Variants in NCBP3 observed in about 807,000 individuals in gnomAD.
NCBP3 encodes the protein nuclear cap-binding protein subunit 3.
Under a neutral mutation model 75.7 loss-of-function variants are expected in NCBP3, and 20 were observed. The observed-to-expected ratio is 0.26, with a 90% CI of 0.19 to 0.38. NCBP3 has a LOEUF of 0.38. NCBP3 is among the 10% of genes least tolerant of loss of function. The probability of loss-of-function intolerance (pLI) is 1.00; values close to 1 mark genes in which losing one functional copy is unlikely to be tolerated. For missense variants in NCBP3, 678 were observed against 796.9 expected, an observed-to-expected ratio of 0.85 and a Z score of 1.80; for synonymous variants, 293 against 290.5, an observed-to-expected ratio of 1.01 and a Z score of -0.09.
chr17:3,845,459 T>G (rs2054145120), intron 1 of NCBP3, among the ~76,000 whole-genome samples: 1 of 152,004 alleles, frequency 6.6e-6, no homozygotes, highest in South Asian at 2.1e-4. Flanking sequence ...TTGCTTTCAT[T>G]AAGAGTCAGA....
chr17:3,843,133 C>T lies in NCBP3; in HGVS notation c.202G>A (p.Glu68Lys). 6.4e-7 allele frequency: 1 copy of T among 1,551,578 alleles called. No homozygotes were observed. Among genetic ancestry groups the T allele is most frequent in the South Asian group, 1.2e-5 (1 of 84,068 alleles). ...ELIPDTSRRYENKAGSFITGI... is the reference protein window; with the variant it reads ...ELIPDTSRRYKNKAGSFITGI... The stretch of plus-strand genomic sequence containing the variant: ...GTGATGAAGCTGCCAGCCTTGTTTT[C>T]ATATCTTCTGCTCGTGTCCTAACAC... Residue 68 changes from glutamate to lysine, a missense_variant, in exon 2 of 13, where the codon GAA (glutamate) becomes AAA (lysine). Coordinates refer to ENST00000389005, the MANE Select transcript of NCBP3 (RefSeq NM_001114118.3).
chr17:3,814,238 T>C, intron 12 of NCBP3, 84 bp downstream of exon 12: 4 of 1,426,302 alleles, frequency 2.8e-6, no homozygotes, highest in Non-Finnish European at 3.8e-6. Context: ...TCTTGCCTTC[T>C]GCTAAGAAAG....
intron 7 of NCBP3, among the ~76,000 whole-genome samples, chr17:3,823,536 G>C (rs1597400141): frequency 6.6e-6 from 1 of 152,018 alleles, no homozygotes; most frequent in South Asian, 2.1e-4. Context: ...TGAGCAAGAG[G>C]CTATTTACGT....
rs890267458 is a variant in NCBP3 at position 3,809,580 on chromosome 17, C to A, written c.*3464G>T. ...AAATTAGCCAGCGTGGTGGCACATG[C>A]CTGTAATCCCAGCTACTCTGGAGGC... On this transcript the variant is annotated 3_prime_UTR_variant, in exon 13 of 13. Coordinates refer to ENST00000389005, the MANE Select transcript of NCBP3 (RefSeq NM_001114118.3). The A allele has an allele frequency of 6.6e-6, 1 of 152,226 alleles. No individual in the cohort carries two copies. Among genetic ancestry groups the A allele is most frequent in the African/African-American group, 2.4e-5 (1 of 41,436 alleles). 9.4% of individuals were successfully genotyped at this position (152,226 alleles called of 1,614,324 possible). A position where few individuals can be genotyped will look rare whatever the true frequency, so the allele number is the denominator to read the frequency against.
chr17:3,818,643 C>A lies in NCBP3; in HGVS notation c.1001-71G>T. 6.7e-7 allele frequency: 1 copy of A among 1,498,736 alleles called. No homozygotes were observed. The highest frequency in any genetic ancestry group is 8.9e-7 in the Non-Finnish European group (1 of 1,126,944). The allele number at this position is 1,498,736 out of a possible 1,614,324, so 92.8% of individuals were successfully genotyped here. On this transcript the variant is annotated intron_variant, in intron 9 of 12. Coordinates refer to ENST00000389005, the MANE Select transcript of NCBP3 (RefSeq NM_001114118.3). The surrounding 1 kb of genome is among the most constrained non-coding windows in gnomAD (Gnocchi z 4.7). The stretch of plus-strand genomic sequence containing the variant: ...ACAAGTATGATTTTCTACTCTACAT[C>A]GGTGACCTTTTTAAAAGGTGGGGTT...
rs1485866462 is a variant in NCBP3, at chr17:3,807,979, A to G, written c.*5065T>C. On this transcript the variant is annotated 3_prime_UTR_variant, in exon 13 of 13. Transcript: ENST00000389005. ...TATACACACATTTCGCTTAAACACA[A>G]TGGTATTTGTCTGAAAAAGATTTAA... The G allele has an allele frequency of 6.6e-6, 1 of 152,222 alleles. No homozygotes were observed. Among genetic ancestry groups the G allele is most frequent in the Non-Finnish European group, 1.5e-5 (1 of 68,050 alleles). 9.4% of individuals were successfully genotyped at this position (152,222 alleles called of 1,614,324 possible). A position where few individuals can be genotyped will look rare whatever the true frequency, so the allele number is the denominator to read the frequency against.
At chr17:3,827,978 G>T (rs1191993372) in intron 4 of NCBP3, among the ~76,000 whole-genome samples, 1 of 152,162 alleles carries the variant, frequency 6.6e-6, no homozygotes, top group Non-Finnish European at 1.5e-5. Flanking sequence ...GAGTGTAGTG[G>T]CACTATCTTG....
At position 3,812,701 on chromosome 17, in the gene NCBP3, G is replaced by A. The variant is rs2053441431; in HGVS notation, c.*343C>T. 9.1e-7 allele frequency: 1 copy of A among 1,098,462 alleles called. No homozygotes were observed. The highest frequency in any genetic ancestry group is 1.1e-6 in the Non-Finnish European group (1 of 897,624). 68.0% of individuals were successfully genotyped at this position (1,098,462 alleles called of 1,614,324 possible). A position where few individuals can be genotyped will look rare whatever the true frequency, so the allele number is the denominator to read the frequency against. ...TGAGAAGTTCAGTTCTCTGCTCTTT[G>A]GATGAACTGTGTAAAACATTTCTTT... On this transcript the variant is annotated 3_prime_UTR_variant, in exon 13 of 13. Transcript: ENST00000389005.
chr17:3,832,434 T>C lies in NCBP3; in HGVS notation c.356-3066A>G, dbSNP rs370938568. Among the ~76,000 whole-genome samples, 2 of 117,224 alleles carry C rather than the reference T, an allele frequency of 1.7e-5. 1 individual carries two copies. The highest frequency in any genetic ancestry group is 5.2e-5 in the African/African-American group (2 of 38,644). 76.9% of individuals were successfully genotyped at this position (117,224 alleles called of 152,430 possible). A position where few individuals can be genotyped will look rare whatever the true frequency, so the allele number is the denominator to read the frequency against. ...AGATCACAAGGTCAGATCGAGACCA[T>C]CCTGGCCAACACGGTGAAACCCCGT... On this transcript the variant is annotated intron_variant, in intron 3 of 12. Coordinates refer to ENST00000389005, the MANE Select transcript of NCBP3 (RefSeq NM_001114118.3).
intron 3 of NCBP3, among the ~76,000 whole-genome samples, chr17:3,831,613 T>C (rs192754801): frequency 8.3e-6 from 1 of 120,788 alleles, no homozygotes; most frequent in African/African-American, 2.5e-5. Flanking sequence ...AATATCTATA[T>C]ATCTACTACC....
intron 2 of NCBP3, 135 bp downstream of exon 2, chr17:3,842,951 C>A: frequency 1.2e-6 from 1 of 809,304 alleles, no homozygotes; most frequent in Non-Finnish European, 2.0e-6. Flanking sequence ...GCCAATAACA[C>A]AATTTTTTTT....
At chr17:3,840,062 G>T in intron 3 of NCBP3, 38 bp downstream of exon 3, 1 of 1,499,064 alleles carries the variant, frequency 6.7e-7, no homozygotes, top group Non-Finnish European at 9.1e-7. Flanking sequence ...GCACTCTCTG[G>T]GGAAATGTGG....
chr17:3,836,238 G>T (rs1357513219), intron 3 of NCBP3, among the ~76,000 whole-genome samples: 1 of 152,194 alleles, frequency 6.6e-6, no homozygotes, highest in African/African-American at 2.4e-5. Flanking sequence ...TTAAATGACG[G>T]CTGGGAAGAT....
rs1372992456 is a variant in NCBP3 at position 3,829,478 on chromosome 17, T to G, written c.356-110A>C. The G allele has an allele frequency of 3.3e-6, 4 of 1,200,188 alleles. No homozygotes were observed. The East Asian group carries it at 1.0e-4, about 31-fold the overall frequency. 74.3% of individuals were successfully genotyped at this position (1,200,188 alleles called of 1,614,324 possible). A position where few individuals can be genotyped will look rare whatever the true frequency, so the allele number is the denominator to read the frequency against. On this transcript the variant is annotated intron_variant, in intron 3 of 12. Transcript: ENST00000389005. ...GACAACACGAGTTTAGAAAGAAACA[T>G]GCTGAGAGAAACTATAATTATTTCA...
At chr17:3,830,831 C>T (rs1247958507) in intron 3 of NCBP3, among the ~76,000 whole-genome samples, 3 of 152,144 alleles carry the variant, frequency 2.0e-5, no homozygotes, top group African/African-American at 7.2e-5. Flanking sequence ...GATCCACCCG[C>T]CTTGGCCTCC....
intron 3 of NCBP3, among the ~76,000 whole-genome samples, chr17:3,832,449 T>G (rs750538954): frequency 8.5e-6 from 1 of 117,016 alleles, no homozygotes; most frequent in Non-Finnish European, 2.1e-5. Flanking sequence ...GCCAACACGG[T>G]GAAACCCCGT....
At chr17:3,819,813 C>G (rs2053628139) in intron 9 of NCBP3, among the ~76,000 whole-genome samples, 1 of 152,052 alleles carries the variant, frequency 6.6e-6, no homozygotes, top group South Asian at 2.1e-4. Flanking sequence ...GTAAGATGAA[C>G]TCAGTCATCA....
Position 3,840,154 on chromosome 17 carries a change from C to T in NCBP3, c.301G>A (p.Glu101Lys). ...ACATTTCTTTGGGCAAGATTTACTT[C>T]CGATCGAAAATGGAAGCGCTTGGCT... is the stretch of plus-strand genomic sequence containing the variant. ...QRAKRFHFRS[E>K]VNLAQRNVAL... The change falls in exon 3 of 13, where the codon GAA (glutamate) becomes AAA (lysine). Residue 101 changes from glutamate to lysine, a missense_variant. Glu to Lys is a moderately conservative substitution (Grantham distance 56). Coordinates refer to ENST00000389005, the MANE Select transcript of NCBP3 (RefSeq NM_001114118.3). 2 of 1,551,726 alleles carry T rather than the reference C, an allele frequency of 1.3e-6. No homozygotes were observed. Among genetic ancestry groups the T allele is most frequent in the Non-Finnish European group, 8.7e-7 (1 of 1,146,992 alleles).
chr17:3,821,453 C>A, intron 8 of NCBP3, 101 bp from the exon 9 acceptor site: 1 of 890,688 alleles, frequency 1.1e-6, no homozygotes, highest in Non-Finnish European at 1.8e-6. Flanking sequence ...GATGGAGTCT[C>A]AATCTCTCTC....
Sources: gnomAD v4.1 joint callset for allele counts (sites outside exome capture counted in the v4.1 genomes callset) on GRCh38, gnomAD v4.1.1 for gene constraint, Gnocchi (gnomAD v3.1) non-coding constraint, MANE v1.5 for transcripts, NCBI Gene and HGNC (gene_info 2026-07-23, HGNC 2026-07-21) for gene names.